IDE: variants seen among roughly 807,000 people sequenced by gnomAD.
IDE encodes the protein insulin-degrading enzyme.
Under a neutral mutation model 133.2 loss-of-function variants are expected in IDE, and 58 were observed. The ratio of observed to expected loss-of-function variants is 0.44; its 90% CI spans 0.35 to 0.54. The LOEUF (loss-of-function observed/expected upper bound fraction) is 0.54, where lower values mean the gene tolerates loss of function less well. Among genes scored for constraint, IDE ranks in the 20% least tolerant of loss-of-function variants. IDE has a pLI of 0.00. For synonymous variants in IDE, 396 were observed against 421.3 expected, an observed-to-expected ratio of 0.94 and a Z score of 0.73; for missense variants, 981 against 1,234.0, an observed-to-expected ratio of 0.79 and a Z score of 3.07.
chr10:92,464,636 C>T (rs780782959), intron 20 of IDE, among the ~76,000 whole-genome samples: 2 of 152,198 alleles, frequency 1.3e-5, no homozygotes, highest in Admixed American at 6.6e-5. Flanking sequence ...CTGGGTCTCA[C>T]TTCTGAGGAA....
Position 92,463,926 on chromosome 10 carries a change from G to T in IDE, c.2566C>A (p.Pro856Thr). 6.2e-7 allele frequency: 1 copy of T among 1,614,126 alleles called. No homozygotes were observed. Among genetic ancestry groups the T allele is most frequent in the Non-Finnish European group, 8.5e-7 (1 of 1,180,004 alleles). ...LRFIIQSEKPPHYLESRVEAF... is the reference protein window; with the variant it reads ...LRFIIQSEKPTHYLESRVEAF... ...TCCACTCTGCTTTCTAGGTAGTGAG[G>T]TGGCTTTTCTGACTGGATGATGAAT... The change falls in exon 21 of 25, where the codon CCT (proline) becomes ACT (threonine). Residue 856 changes from proline (P) to threonine (T), a missense_variant. Pro to Thr is a conservative substitution (Grantham distance 38). This residue lies in a region of IDE where 660 missense variants were observed against 894.7 expected (regional missense o/e 0.74). Transcript: ENST00000265986.
chr10:92,562,257 ACT>A (rs1353790095), intron 1 of IDE, among the ~76,000 whole-genome samples: 1 of 152,194 alleles, frequency 6.6e-6, no homozygotes, highest in Non-Finnish European at 1.5e-5. Context: ...AGTCGGTCAT[ACT>A]CTCTAAAATA....
At chr10:92,571,584 G>A (rs2421945) in intron 1 of IDE, among the ~76,000 whole-genome samples, 53,944 of 151,966 alleles carry the variant, frequency 0.35, 9,784 homozygotes, top group Admixed American at 0.43. Flanking sequence ...AGGTGCCCCA[G>A]TAGTTCAGAT....
At chr10:92,469,434 C>CTT (rs768111694) in intron 18 of IDE, among the ~76,000 whole-genome samples, 11 of 144,556 alleles carry the variant, frequency 7.6e-5, no homozygotes, top group African/African-American at 2.8e-4. Flanking sequence ...GGGATCTTTT[C>CTT]TTTTTTTTTT....
chr10:92,535,069 TCA>T (rs1262340900), intron 2 of IDE, among the ~76,000 whole-genome samples: 4 of 152,174 alleles, frequency 2.6e-5, no homozygotes, highest in African/African-American at 9.7e-5. Context: ...AGAGCTGGAT[TCA>T]CAGTTTTAAG....
At chr10:92,532,065 A>T (rs1267973527) in intron 3 of IDE, 148 bp from the exon 4 acceptor site, 1 of 521,452 alleles carries the variant, frequency 1.9e-6, no homozygotes, top group Non-Finnish European at 3.3e-6. Flanking sequence ...AAAAAGGAGT[A>T]TAAAATAAGT....
intron 3 of IDE, 26 bp from the exon 4 acceptor site, chr10:92,531,943 C>A: frequency 6.9e-7 from 1 of 1,439,674 alleles, no homozygotes; most frequent in South Asian, 1.6e-5. Context: ...ATAATTAAAA[C>A]TTGAAAGATG....
chr10:92,541,266 A>G (rs1382287244), intron 1 of IDE: 4 of 467,598 alleles, frequency 8.6e-6, no homozygotes, highest in Admixed American at 4.8e-5. Context: ...TAGCATATCT[A>G]TAAACACTTC....
At chr10:92,562,623 C>T (rs1843330732) in intron 1 of IDE, among the ~76,000 whole-genome samples, 1 of 152,118 alleles carries the variant, frequency 6.6e-6, no homozygotes, top group African/African-American at 2.4e-5. Context: ...GGAACAGAAG[C>T]TGAATTCAAG....
At chr10:92,495,080 T>C (rs1847603392) in intron 11 of IDE, among the ~76,000 whole-genome samples, 1 of 151,982 alleles carries the variant, frequency 6.6e-6, no homozygotes, top group Non-Finnish European at 1.5e-5. Context: ...TTTTTTTTTT[T>C]TGAGACGGAG....
chr10:92,530,423 C>T (rs1207835993), intron 4 of IDE, among the ~76,000 whole-genome samples: 1 of 151,900 alleles, frequency 6.6e-6, no homozygotes, highest in South Asian at 2.1e-4. Context: ...GTAGCTTGGA[C>T]TACAGGCACA....
At chr10:92,482,109 T>C (rs376538604) in intron 14 of IDE, among the ~76,000 whole-genome samples, 7 of 152,298 alleles carry the variant, frequency 4.6e-5, no homozygotes, top group African/African-American at 1.4e-4. Context: ...TATTTGTTGA[T>C]GGAAAATCAA....
chr10:92,487,927 G>C (rs559655842), intron 12 of IDE, among the ~76,000 whole-genome samples: 6 of 152,080 alleles, frequency 3.9e-5, no homozygotes, highest in Non-Finnish European at 8.8e-5. Context: ...CTCCCAAGTA[G>C]CTGGGACTAC....
rs1354696851 is a variant in IDE, at chr10:92,534,582, C to T, written c.487G>A (p.Asp163Asn). 2 of 1,603,974 alleles carry T rather than the reference C, an allele frequency of 1.2e-6. No homozygotes were observed. The highest frequency in any genetic ancestry group is 2.2e-5 in the South Asian group (2 of 90,804). The change falls in exon 3 of 25, where the codon GAC (aspartate) becomes AAC (asparagine). Residue 163 changes from aspartate (D) to asparagine (N), a missense_variant. Asp to Asn is a conservative substitution (Grantham distance 23). This residue lies in a region of IDE where 321 missense variants were observed against 339.3 expected (regional missense o/e 0.95). Transcript: ENST00000265986. ...VSHEHLEGAL[D>N]RFAQFFLCPL... The stretch of plus-strand genomic sequence containing the variant: ...TCATAGGGTATTCTGCATTACCTGT[C>T]TAGGGCACCTTCTAGGTGTTCATGA...
At chr10:92,520,854 C>T (rs1475875394) in intron 4 of IDE, among the ~76,000 whole-genome samples, 1 of 152,114 alleles carries the variant, frequency 6.6e-6, no homozygotes, top group Non-Finnish European at 1.5e-5. Context: ...TCCACAGACA[C>T]ATATCCCAGT....
At chr10:92,571,234 G>T (rs1217803014) in intron 1 of IDE, among the ~76,000 whole-genome samples, 2 of 151,986 alleles carry the variant, frequency 1.3e-5, no homozygotes, top group Non-Finnish European at 2.9e-5. Flanking sequence ...GGCTGGTCTT[G>T]AACTCCTGAC....
At chr10:92,527,989 G>A (rs1356687364) in intron 4 of IDE, among the ~76,000 whole-genome samples, 2 of 152,146 alleles carry the variant, frequency 1.3e-5, no homozygotes. Flanking sequence ...GTACTCCAAA[G>A]AACGCAATTT....
chr10:92,501,269 T>C (rs1206691761), intron 11 of IDE, among the ~76,000 whole-genome samples: 3 of 127,550 alleles, frequency 2.4e-5, no homozygotes, highest in African/African-American at 9.2e-5. Flanking sequence ...GGCTGAGGCA[T>C]GAGAATTGCT....
intron 11 of IDE, among the ~76,000 whole-genome samples, chr10:92,494,366 C>A (rs1257147905): frequency 6.6e-6 from 1 of 150,764 alleles, no homozygotes; most frequent in Non-Finnish European, 1.5e-5. Flanking sequence ...CCATGCCCAG[C>A]CCAGTTTTTT....
Sources: gnomAD v4.1 joint callset for allele counts (sites outside exome capture counted in the v4.1 genomes callset) on GRCh38, gnomAD v4.1.1 for gene constraint, gnomAD v4.1.1 regional missense constraint, MANE v1.5 for transcripts, NCBI Gene and HGNC (gene_info 2026-07-23, HGNC 2026-07-21) for gene names.